The following ADGRL3 variants were observed in gnomAD, a reference collection of about 807,000 sequenced individuals.
ADGRL3 encodes the protein calcium-independent alpha-latrotoxin receptor 3.
In ADGRL3, 62 loss-of-function variants were observed where a neutral mutation model predicts 153.5. The observed-to-expected ratio is 0.40, with a 90% CI of 0.33 to 0.50. ADGRL3 has a LOEUF of 0.50. Among genes scored for constraint, ADGRL3 ranks in the 20% least tolerant of loss-of-function variants. The pLI, the probability that ADGRL3 is intolerant of heterozygous loss-of-function variation, is 0.47. For synonymous variants in ADGRL3, 710 were observed against 672.5 expected, an observed-to-expected ratio of 1.06 and a Z score of -0.86; for missense variants, 1,641 against 1,859.4, an observed-to-expected ratio of 0.88 and a Z score of 2.16.
intron 25 of ADGRL3, among the ~76,000 whole-genome samples, chr4:62,058,720 T>G (rs1738433437): frequency 6.6e-6 from 1 of 152,164 alleles, no homozygotes; most frequent in African/African-American, 2.4e-5. Flanking sequence ...TGACAGATGG[T>G]CTGTAAACAC....
At chr4:61,760,276 C>T (rs186186904) in intron 8 of ADGRL3, among the ~76,000 whole-genome samples, 1 of 152,168 alleles carries the variant, frequency 6.6e-6, no homozygotes, top group Non-Finnish European at 1.5e-5. Flanking sequence ...CAGAGGTAGG[C>T]AGGCCTTCTT....
intron 2 of ADGRL3, among the ~76,000 whole-genome samples, chr4:61,480,970 T>C (rs774337390): frequency 6.6e-6 from 1 of 152,072 alleles, no homozygotes; most frequent in African/African-American, 2.4e-5. Context: ...CTAAAAGACA[T>C]TGATATTTGC....
chr4:61,557,726 C>T (rs569535236), intron 4 of ADGRL3, among the ~76,000 whole-genome samples: 1 of 151,892 alleles, frequency 6.6e-6, no homozygotes, highest in Non-Finnish European at 1.5e-5. Context: ...AGGGTGTGCA[C>T]TCTTTAGTGA....
rs921669039 is a variant in ADGRL3, at chr4:61,743,908, G to A, written c.1399+10354G>A. Among the ~76,000 whole-genome samples, 7 of 152,320 alleles carry A rather than the reference G, an allele frequency of 4.6e-5. No homozygotes were observed. In the South Asian group the frequency reaches 8.3e-4, roughly 18 times the overall value. ...CGTGTGCGAGCCGAAGCAGGGCGAC[G>A]CATTGCCTCACTCGGGAAGTGCAAG... On this transcript the variant is annotated intron_variant, in intron 8 of 26. Coordinates refer to ENST00000683033, the MANE Select transcript of ADGRL3 (RefSeq NM_001387552.1).
At chr4:61,761,150 A>G (rs1477510858) in intron 8 of ADGRL3, among the ~76,000 whole-genome samples, 2 of 152,234 alleles carry the variant, frequency 1.3e-5, no homozygotes, top group South Asian at 2.1e-4. Context: ...TGATCTTAGG[A>G]GTAGTTTAGG....
At chr4:61,759,459 C>G (rs185378580) in intron 8 of ADGRL3, among the ~76,000 whole-genome samples, 65 of 152,310 alleles carry the variant, frequency 4.3e-4, no homozygotes, top group African/African-American at 1.5e-3. Context: ...TCCAGTTGAT[C>G]AGATCGACTA....
At chr4:61,275,047 G>A (rs541583717) in intron 1 of ADGRL3, among the ~76,000 whole-genome samples, 80 of 152,238 alleles carry the variant, frequency 5.3e-4, no homozygotes, top group Non-Finnish European at 9.7e-4. Context: ...TTCACTGTTC[G>A]TTCTGTAAAG....
intron 18 of ADGRL3, among the ~76,000 whole-genome samples, chr4:61,980,385 G>C (rs1327743135): frequency 7.9e-6 from 1 of 127,212 alleles, no homozygotes; most frequent in Non-Finnish European, 1.6e-5. Context: ...GAATCATTTA[G>C]TAAGTAGCTT....
At chr4:61,222,256 T>A (rs893305872) in intron 1 of ADGRL3, among the ~76,000 whole-genome samples, 2 of 152,160 alleles carry the variant, frequency 1.3e-5, no homozygotes, top group Non-Finnish European at 2.9e-5. Flanking sequence ...TTCTTTTAAA[T>A]CTGTTGTAAT....
At chr4:61,538,152 A>G (rs2098668555) in intron 4 of ADGRL3, among the ~76,000 whole-genome samples, 1 of 152,210 alleles carries the variant, frequency 6.6e-6, no homozygotes, top group Admixed American at 6.5e-5. Flanking sequence ...ATAAAATAAA[A>G]TAAAATAAAA....
At chr4:61,410,160 T>A (rs2097066597) in intron 2 of ADGRL3, among the ~76,000 whole-genome samples, 1 of 152,070 alleles carries the variant, frequency 6.6e-6, no homozygotes, top group African/African-American at 2.4e-5. Context: ...TTTAATTTTT[T>A]AAAAAATGAC....
chr4:61,504,708 A>G (rs952499712), intron 3 of ADGRL3, among the ~76,000 whole-genome samples: 5 of 152,022 alleles, frequency 3.3e-5, no homozygotes, highest in African/African-American at 4.8e-5. Flanking sequence ...CTCTGTCTCC[A>G]TTAGTTTAAT....
chr4:61,519,905 A>G (rs928441658), intron 4 of ADGRL3, among the ~76,000 whole-genome samples: 1 of 152,234 alleles, frequency 6.6e-6, no homozygotes, highest in African/African-American at 2.4e-5. Flanking sequence ...TGATTCAAAA[A>G]CAAAATTGAT....
intron 13 of ADGRL3, among the ~76,000 whole-genome samples, chr4:61,914,278 C>T (rs555835955): frequency 2.0e-5 from 3 of 152,008 alleles, no homozygotes; most frequent in South Asian, 2.1e-4. Flanking sequence ...TACGATTATG[C>T]GTGGTTTCCG....
At chr4:61,967,186 T>A (rs1017268575) in intron 17 of ADGRL3, among the ~76,000 whole-genome samples, 1 of 152,152 alleles carries the variant, frequency 6.6e-6, no homozygotes, top group Non-Finnish European at 1.5e-5. Context: ...GATCCAGACA[T>A]TTGTTTTCAT....
intron 4 of ADGRL3, among the ~76,000 whole-genome samples, chr4:61,562,262 G>A (rs1250076405): frequency 6.6e-6 from 1 of 152,166 alleles, no homozygotes; most frequent in Non-Finnish European, 1.5e-5. Context: ...GGATGGTGGA[G>A]GATCTTTCCC....
At chr4:61,372,334 T>C (rs1333896974) in intron 1 of ADGRL3, among the ~76,000 whole-genome samples, 6 of 152,100 alleles carry the variant, frequency 3.9e-5, no homozygotes, top group Admixed American at 6.5e-5. Flanking sequence ...AGTTTTTCTG[T>C]TCTGTTTTTT....
chr4:61,439,531 T>G (rs72636148), intron 2 of ADGRL3, among the ~76,000 whole-genome samples: 26,021 of 152,102 alleles, frequency 0.17, 2,383 homozygotes, highest in Middle Eastern at 0.25. Flanking sequence ...AGGTGTACAC[T>G]TGCCATGGTG....
intron 4 of ADGRL3, among the ~76,000 whole-genome samples, chr4:61,579,245 G>C (rs952911162): frequency 6.6e-6 from 1 of 151,962 alleles, no homozygotes; most frequent in Non-Finnish European, 1.5e-5. Flanking sequence ...GAATTAAATT[G>C]GCATATTTTA....
Sources: gnomAD v4.1 joint callset for allele counts (sites outside exome capture counted in the v4.1 genomes callset) on GRCh38, gnomAD v4.1.1 for gene constraint, MANE v1.5 for transcripts, NCBI Gene and HGNC (gene_info 2026-07-23, HGNC 2026-07-21) for gene names.